Variants in OPCML observed in about 807,000 individuals in gnomAD.
The protein encoded by OPCML is opioid binding protein/cell adhesion molecule like, also known as opioid-binding protein/cell adhesion molecule.
Under a neutral mutation model 37.8 loss-of-function variants are expected in OPCML, and 13 were observed. That is an observed-to-expected ratio of 0.34 (90% CI 0.22 to 0.55). OPCML has a LOEUF of 0.55. OPCML is among the 20% of genes least tolerant of loss of function. OPCML has a pLI of 0.91. For synonymous variants in OPCML, 176 were observed against 168.8 expected (o/e 1.04, Z -0.33); for missense variants, 341 against 435.6 (o/e 0.78, Z 1.93).
chr11:132,598,668 T>C (rs1187244511), intron 3 of OPCML, among the ~76,000 whole-genome samples: 2 of 152,168 alleles, frequency 1.3e-5, no homozygotes, highest in African/African-American at 4.8e-5. Context: ...AGAAAGGCCA[T>C]GGAGAGAAGT....
intron 2 of OPCML, among the ~76,000 whole-genome samples, chr11:132,856,592 G>A (rs1488731851): frequency 6.6e-6 from 1 of 152,168 alleles, no homozygotes; most frequent in African/African-American, 2.4e-5. Context: ...CTCAGGAGGT[G>A]GACAAGCCGA....
intron 1 of OPCML, among the ~76,000 whole-genome samples, chr11:133,402,796 C>T (rs1223615428): frequency 6.9e-4 from 105 of 152,124 alleles, no homozygotes; most frequent in East Asian, 1.9e-4. Flanking sequence ...CTGCCCTGCC[C>T]GCATCTGCAG....
chr11:132,897,161 G>A (rs1336385684), intron 2 of OPCML, among the ~76,000 whole-genome samples: 1 of 152,216 alleles, frequency 6.6e-6, no homozygotes, highest in Non-Finnish European at 1.5e-5. Context: ...GTGGCAGATA[G>A]CGATGCTGTT....
chr11:133,280,561 A>G (rs143040291), intron 1 of OPCML, among the ~76,000 whole-genome samples: 75 of 152,334 alleles, frequency 4.9e-4, no homozygotes, highest in African/African-American at 1.7e-3. Flanking sequence ...TCTCCAGAGC[A>G]ACACCTAACA....
intron 4 of OPCML, among the ~76,000 whole-genome samples, chr11:132,509,948 G>A (rs964204596): frequency 6.6e-6 from 1 of 152,130 alleles, no homozygotes; most frequent in Non-Finnish European, 1.5e-5. Context: ...AGCTTGCACT[G>A]TGTGCATGGA....
At chr11:132,455,646 G>A (rs2136877412) in intron 4 of OPCML, among the ~76,000 whole-genome samples, 1 of 152,252 alleles carries the variant, frequency 6.6e-6, no homozygotes, top group African/African-American at 2.4e-5. Flanking sequence ...TACATTATAT[G>A]TTCACTGTAC....
intron 1 of OPCML, among the ~76,000 whole-genome samples, chr11:133,202,895 G>A (rs566160119): frequency 4.6e-5 from 7 of 152,340 alleles, no homozygotes; most frequent in Non-Finnish European, 8.8e-5. Context: ...GCAGCTCAGC[G>A]CTTCTGCTTA....
intron 1 of OPCML, among the ~76,000 whole-genome samples, chr11:133,330,819 A>T (rs1240200327): frequency 2.0e-5 from 3 of 152,236 alleles, no homozygotes; most frequent in Non-Finnish European, 4.4e-5. Flanking sequence ...CATGTACCCT[A>T]AAACTTAAAG....
At chr11:133,424,763 T>C (rs1165544903) in intron 1 of OPCML, among the ~76,000 whole-genome samples, 2 of 152,220 alleles carry the variant, frequency 1.3e-5, no homozygotes, top group African/African-American at 4.8e-5. Flanking sequence ...TTTGAGGTCT[T>C]TAATACATAT....
chr11:132,716,714 C>T lies in OPCML; in HGVS notation c.147-59395G>A, dbSNP rs191850433. On this transcript the variant is annotated intron_variant, in intron 2 of 7. Coordinates refer to ENST00000524381, the MANE Select transcript of OPCML (RefSeq NM_001012393.5). ...TTCTACTTTTAAAAAACCCAGCACT[C>T]TGAAGTCTAATTCCATAATTTTAAA... Among the ~76,000 whole-genome samples, 833 of 152,256 alleles carry T rather than the reference C, an allele frequency of 5.5e-3. 10 individuals carry two copies. Among genetic ancestry groups the T allele is most frequent in the African/African-American group, 0.019 (773 of 41,534 alleles).
chr11:133,190,643 T>A (rs562889704), intron 1 of OPCML, among the ~76,000 whole-genome samples: 5 of 152,220 alleles, frequency 3.3e-5, no homozygotes, highest in African/African-American at 1.2e-4. Flanking sequence ...TCTCCCCATC[T>A]CCCCAGTTCT....
In OPCML at chr11:132,493,518, C is replaced by T. The variant is rs557565447; in HGVS notation, c.505+35543G>A. 3.3e-5 allele frequency among the ~76,000 whole-genome samples: 5 copies of T among 152,310 alleles called. No individual in the cohort carries two copies. In the South Asian group the frequency reaches 1.0e-3, roughly 32 times the overall value. On this transcript the variant is annotated intron_variant, in intron 4 of 7. Coordinates refer to ENST00000524381, the MANE Select transcript of OPCML (RefSeq NM_001012393.5). The stretch of plus-strand genomic sequence containing the variant: ...TCCAGGCTGCCTTCACCTCCTGCGT[C>T]TCTGTCCACGTCCCTTTATAGCTTT...
chr11:133,511,698 G>A (rs991456797), intron 1 of OPCML, among the ~76,000 whole-genome samples: 4 of 151,044 alleles, frequency 2.6e-5, no homozygotes, highest in Non-Finnish European at 5.9e-5. Flanking sequence ...ATAGCCTGAT[G>A]TACTTTTTTT....
intron 1 of OPCML, among the ~76,000 whole-genome samples, chr11:133,171,403 G>A (rs903790414): frequency 2.6e-5 from 4 of 152,164 alleles, no homozygotes; most frequent in Admixed American, 1.3e-4. Context: ...GACCCCTGAA[G>A]GGCAACCGTG....
chr11:132,520,341 T>C (rs654125), intron 4 of OPCML, among the ~76,000 whole-genome samples: 63,181 of 152,026 alleles, frequency 0.42, 14,935 homozygotes, highest in Non-Finnish European at 0.54. Flanking sequence ...TTAGCTGTGA[T>C]TCATTTGTCA....
intron 2 of OPCML, among the ~76,000 whole-genome samples, chr11:132,698,413 T>C (rs943276339): frequency 5.3e-5 from 8 of 152,304 alleles, no homozygotes; most frequent in Middle Eastern, 3.4e-3. Context: ...TTTTTTTAAA[T>C]ATACCTGTTG....
chr11:132,436,640 G>T lies in OPCML; in HGVS notation c.764+19C>A. The T allele has an allele frequency of 6.2e-7, 1 of 1,613,944 alleles. No individual in the cohort carries two copies. Among genetic ancestry groups the T allele is most frequent in the Non-Finnish European group, 8.5e-7 (1 of 1,179,878 alleles). On this transcript the variant is annotated intron_variant, in intron 6 of 7. Transcript: ENST00000524381. ...ATCAGCTCTGCTTCAGAACTGTCCAGGTGTCATTTAAAAGGTACCTGGTTT... is the reference window on the plus strand; with the variant it reads ...ATCAGCTCTGCTTCAGAACTGTCCATGTGTCATTTAAAAGGTACCTGGTTT...
chr11:132,623,201 C>T (rs1194549156), intron 3 of OPCML, among the ~76,000 whole-genome samples: 2 of 152,058 alleles, frequency 1.3e-5, no homozygotes, highest in African/African-American at 4.8e-5. Context: ...GCGGTAAAAC[C>T]CCTGAGGCAG....
intron 1 of OPCML, among the ~76,000 whole-genome samples, chr11:133,085,713 A>G (rs1565439963): frequency 6.6e-6 from 1 of 152,250 alleles, no homozygotes; most frequent in African/African-American, 2.4e-5. Context: ...AGGTAAAAGT[A>G]CATGTGCACC....
Sources: gnomAD v4.1 joint callset for allele counts (sites outside exome capture counted in the v4.1 genomes callset) on GRCh38, gnomAD v4.1.1 for gene constraint, MANE v1.5 for transcripts, NCBI Gene and HGNC (gene_info 2026-07-23, HGNC 2026-07-21) for gene names.